The following NDUFAF6 variants were observed in gnomAD, a reference collection of about 807,000 sequenced individuals.
NDUFAF6 encodes NADH dehydrogenase (ubiquinone) complex I, assembly factor 6.
In NDUFAF6, 45 loss-of-function variants were observed where a neutral mutation model predicts 40.8. The observed-to-expected ratio is 1.10, with a 90% confidence interval of 0.87 to 1.42. NDUFAF6 has a LOEUF of 1.42. Ranked by LOEUF, NDUFAF6 falls within the 40% of genes most tolerant of loss-of-function variation. The probability of loss-of-function intolerance (pLI) is 0.00; values close to 1 mark genes in which losing one functional copy is unlikely to be tolerated. For synonymous variants in NDUFAF6, 185 were observed against 155.9 expected (o/e 1.19, Z -1.39); for missense variants, 435 against 418.5 (o/e 1.04, Z -0.34).
chr8:94,906,808 T>C (rs1256665795), intron 1 of NDUFAF6, among the ~76,000 whole-genome samples: 1 of 152,264 alleles, frequency 6.6e-6, no homozygotes, highest in African/African-American at 2.4e-5. Context: ...ACAAATACAC[T>C]TGACCTTGTT....
chr8:95,047,256 G>A, intron 6 of NDUFAF6, 129 bp downstream of exon 6: 2 of 1,322,072 alleles, frequency 1.5e-6, no homozygotes, highest in Admixed American at 2.0e-5. Context: ...TACTAAAAAT[G>A]GCCTTCCTCT....
At chr8:95,030,957 G>T (rs574222655) in intron 1 of NDUFAF6, among the ~76,000 whole-genome samples, 2 of 152,176 alleles carry the variant, frequency 1.3e-5, no homozygotes, top group Non-Finnish European at 2.9e-5. Context: ...GGGAGGAGGT[G>T]CCAGGCTCTT....
At chr8:95,077,533 A>C (rs560324084), downstream of NDUFAF6, among the ~76,000 whole-genome samples, 18 of 152,392 alleles carry the variant, frequency 1.2e-4, no homozygotes, top group Non-Finnish European at 2.6e-4. Flanking sequence ...AGCGAATGGC[A>C]GATTTCAGAA....
chr8:95,011,669 G>A (rs1304580729), intron 2 of NDUFAF6, among the ~76,000 whole-genome samples: 2 of 152,188 alleles, frequency 1.3e-5, no homozygotes, highest in African/African-American at 4.8e-5. Flanking sequence ...GGTTTAGGGT[G>A]GGAATGGTAT....
intron 9 of NDUFAF6, chr8:95,068,347 A>G (rs1240741718): frequency 6.6e-6 from 1 of 151,966 alleles, no homozygotes; most frequent in Non-Finnish European, 1.5e-5. Context: ...TCACTTAAAA[A>G]TACTATGAAT....
chr8:94,924,091 C>T (rs949333229), intron 1 of NDUFAF6, among the ~76,000 whole-genome samples: 14 of 152,112 alleles, frequency 9.2e-5, no homozygotes, highest in African/African-American at 2.7e-4. Flanking sequence ...GACGTAGTCT[C>T]GCTCTGTCGC....
In NDUFAF6 at chr8:95,036,184, C is replaced by T. The variant is rs1007149499; in HGVS notation, c.420+608C>T. 8.6e-6 allele frequency: 6 copies of T among 698,470 alleles called. No homozygotes were observed. The African/African-American group carries it at 1.1e-4, about 13-fold the overall frequency. 43.3% of individuals were successfully genotyped at this position (698,470 alleles called of 1,614,324 possible). A position where few individuals can be genotyped will look rare whatever the true frequency, so the allele number is the denominator to read the frequency against. On this transcript the variant is annotated intron_variant, in intron 3 of 8. Coordinates refer to ENST00000396124, the MANE Select transcript of NDUFAF6 (RefSeq NM_152416.4). Reference sequence around the variant, plus strand: ...CATAAATGGTTTTATAGTAAAGCAGCTGTATGGATCCCTCACTCATAAGCA... The same window carrying T: ...CATAAATGGTTTTATAGTAAAGCAGTTGTATGGATCCCTCACTCATAAGCA...
chr8:95,001,352 G>C (rs758813065), intron 2 of NDUFAF6, among the ~76,000 whole-genome samples: 2 of 151,922 alleles, frequency 1.3e-5, no homozygotes, highest in Admixed American at 6.6e-5. Context: ...AAATCTTTTG[G>C]GGGAGTGTGA....
At chr8:94,985,467 T>TTTTATATATA (rs1158887739) in intron 2 of NDUFAF6, among the ~76,000 whole-genome samples, 13 of 28,598 alleles carry the variant, frequency 4.5e-4, no homozygotes, top group Admixed American at 7.1e-4. Context: ...AAAACAATAA[T>TTTTATATATA]TATATATATA....
At chr8:94,943,552 C>T (rs1373777428) in intron 1 of NDUFAF6, among the ~76,000 whole-genome samples, 1 of 152,166 alleles carries the variant, frequency 6.6e-6, no homozygotes, top group Non-Finnish European at 1.5e-5. Flanking sequence ...CTAATCACCA[C>T]CTCTTTTTAT....
intron 2 of NDUFAF6, among the ~76,000 whole-genome samples, chr8:94,998,313 C>A (rs1425791010): frequency 6.6e-6 from 1 of 151,948 alleles, no homozygotes; most frequent in African/African-American, 2.4e-5. Flanking sequence ...CTATCCTTGT[C>A]CCCAGATGAC....
At chr8:95,112,773 T>C (rs1434394928) in intron 4 of NDUFAF6, among the ~76,000 whole-genome samples, 4 of 152,244 alleles carry the variant, frequency 2.6e-5, no homozygotes, top group African/African-American at 7.2e-5. Context: ...GACCCATTAG[T>C]ATATATTTCT....
intron 1 of NDUFAF6, among the ~76,000 whole-genome samples, chr8:94,964,406 G>A (rs1823841328): frequency 6.9e-6 from 1 of 144,420 alleles, no homozygotes; most frequent in African/African-American, 2.5e-5. Flanking sequence ...TCCAGCCTGG[G>A]CAACAGAGAG....
At position 95,047,042 on chromosome 8, in the gene NDUFAF6, C is replaced by A; in HGVS notation, c.629C>A (p.Ala210Glu). 6.2e-7 allele frequency: 1 copy of A among 1,614,146 alleles called. No individual in the cohort carries two copies. The highest frequency in any genetic ancestry group is 2.2e-5 in the East Asian group (1 of 44,874). ...CATGCTGCAAGTCATATTGGAAAAG[C>A]ACAAGGCATTGTCACTTGCTTGAGA... Reference protein sequence around the residue: ...ADHAASHIGKAQGIVTCLRAT... With the variant: ...ADHAASHIGKEQGIVTCLRAT... The change falls in exon 6 of 9, where the codon GCA (alanine) becomes GAA (glutamate). Residue 210 changes from alanine to glutamate, a missense_variant. By Grantham distance (107) the Ala-to-Glu change is moderately radical (BLOSUM62 -1). Coordinates refer to ENST00000396124, the MANE Select transcript of NDUFAF6 (RefSeq NM_152416.4).
At chr8:94,920,923 AT>A (rs1294280441) in intron 1 of NDUFAF6, among the ~76,000 whole-genome samples, 1 of 152,210 alleles carries the variant, frequency 6.6e-6, no homozygotes, top group African/African-American at 2.4e-5. Context: ...CACTTAAAGC[AT>A]TCACCTTCAT....
intron 1 of NDUFAF6, chr8:94,927,241 T>C (rs892079758): frequency 3.9e-5 from 6 of 152,640 alleles, no homozygotes; most frequent in Admixed American, 3.9e-4. Flanking sequence ...CTTGCTCGTT[T>C]TTCTTAAGAG....
chr8:94,930,993 A>T (rs1820338545), intron 1 of NDUFAF6, among the ~76,000 whole-genome samples: 1 of 152,140 alleles, frequency 6.6e-6, no homozygotes, highest in Admixed American at 6.6e-5. Context: ...TACACTTTAA[A>T]CTTTGAATTT....
chr8:94,999,842 T>C (rs538995622), intron 2 of NDUFAF6, among the ~76,000 whole-genome samples: 6 of 152,356 alleles, frequency 3.9e-5, no homozygotes, highest in Non-Finnish European at 8.8e-5. Context: ...TAATATTCTA[T>C]AACCTAGTCA....
At chr8:95,016,955 A>G (rs902130195) in intron 2 of NDUFAF6, among the ~76,000 whole-genome samples, 9 of 124,868 alleles carry the variant, frequency 7.2e-5, no homozygotes, top group African/African-American at 2.5e-4. Flanking sequence ...TTTTTTTGAG[A>G]CAGGGTCTTG....
Sources: gnomAD v4.1 joint callset for allele counts (sites outside exome capture counted in the v4.1 genomes callset) on GRCh38, gnomAD v4.1.1 for gene constraint, MANE v1.5 for transcripts, NCBI Gene and HGNC (gene_info 2026-07-23, HGNC 2026-07-21) for gene names.